The following MORC1 variants were observed in gnomAD, a reference collection of about 807,000 sequenced individuals.
The protein encoded by MORC1 is MORC family CW-type zinc finger protein 1.
MORC1 carries 59 observed loss-of-function variants against 134.9 expected under a neutral mutation model. That is an observed-to-expected ratio of 0.44 (90% CI 0.35 to 0.54). MORC1 has a LOEUF of 0.54. MORC1 is among the 20% of genes least tolerant of loss of function. MORC1 has a pLI of 0.00. For missense variants in MORC1, 947 were observed against 1,134.5 expected, an observed-to-expected ratio of 0.83 and a Z score of 2.37; for synonymous variants, 395 against 391.7, an observed-to-expected ratio of 1.01 and a Z score of -0.10.
At chr3:109,036,289 T>C (rs1222411935) in intron 14 of MORC1, among the ~76,000 whole-genome samples, 1 of 152,056 alleles carries the variant, frequency 6.6e-6, no homozygotes, top group East Asian at 1.9e-4. Context: ...AATATATATA[T>C]ATCAAAGAGT....
intron 1 of MORC1, among the ~76,000 whole-genome samples, chr3:109,117,039 T>C (rs1951289000): frequency 6.6e-6 from 1 of 151,414 alleles, no homozygotes. Context: ...TGAGCATTTT[T>C]CTTAAACTCA....
chr3:109,063,067 G>A (rs1950118669), intron 10 of MORC1, 85 bp downstream of exon 10: 1 of 997,258 alleles, frequency 1.0e-6, no homozygotes, highest in Admixed American at 1.8e-5. Flanking sequence ...AATGCCTAGA[G>A]CAATGTATGT....
intron 3 of MORC1, chr3:109,110,026 T>C (rs948168607): frequency 6.6e-6 from 1 of 152,228 alleles, no homozygotes; most frequent in African/African-American, 2.4e-5. Flanking sequence ...GTTTCCTCAG[T>C]TATCTCAAGA....
At position 109,099,116 on chromosome 3, in the gene MORC1, G is replaced by A. The variant is rs190126455; in HGVS notation, c.423+242C>T. Among the ~76,000 whole-genome samples, 5 of 152,248 alleles carry A rather than the reference G, an allele frequency of 3.3e-5. No individual in the cohort carries two copies. The East Asian group carries it at 9.7e-4, about 29-fold the overall frequency. ...TCTAAAAAGCTCATCATGTCTAAGG[G>A]AGCCTCTTACTTTGGGAGATTTGAG... is the stretch of plus-strand genomic sequence containing the variant. On this transcript the variant is annotated intron_variant, in intron 6 of 27. Coordinates refer to ENST00000232603, the MANE Select transcript of MORC1 (RefSeq NM_014429.4).
intron 17 of MORC1, among the ~76,000 whole-genome samples, chr3:109,023,111 T>C (rs1412415351): frequency 7.2e-5 from 11 of 152,194 alleles, no homozygotes; most frequent in Non-Finnish European, 1.5e-4. Flanking sequence ...GATACTTTTC[T>C]AAGTAGGTAA....
chr3:109,106,644 A>T (rs1482410351), intron 3 of MORC1, among the ~76,000 whole-genome samples: 3 of 152,168 alleles, frequency 2.0e-5, no homozygotes, highest in Admixed American at 1.3e-4. Context: ...ACCTCGGATC[A>T]TCATTATGTT....
At chr3:109,093,632 T>G (rs1378912434) in intron 7 of MORC1, 91 bp from the exon 8 acceptor site, 1 of 928,864 alleles carries the variant, frequency 1.1e-6, no homozygotes, top group Admixed American at 2.5e-5. Context: ...GAACTGAGTC[T>G]GCTATAAAAT....
chr3:109,035,568 TGTAA>T (rs1349813440), intron 14 of MORC1, 100 bp from the exon 15 acceptor site: 13 of 697,556 alleles, frequency 1.9e-5, no homozygotes, highest in African/African-American at 1.5e-4. Context: ...ATCTCAACTG[TGTAA>T]GTATTAATAC....
intron 10 of MORC1, among the ~76,000 whole-genome samples, chr3:109,062,826 G>C (rs778302222): frequency 1.3e-5 from 2 of 152,134 alleles, no homozygotes; most frequent in African/African-American, 2.4e-5. Flanking sequence ...TTGGCCTCAA[G>C]TAATTCTCCC....
At chr3:109,066,356 G>A (rs905585758) in intron 9 of MORC1, among the ~76,000 whole-genome samples, 1 of 148,294 alleles carries the variant, frequency 6.7e-6, no homozygotes, top group Non-Finnish European at 1.5e-5. Flanking sequence ...CATGATCTCA[G>A]TTCACTGCAA....
chr3:109,081,675 G>A (rs964500117), intron 8 of MORC1, among the ~76,000 whole-genome samples: 5 of 152,142 alleles, frequency 3.3e-5, no homozygotes, highest in Admixed American at 6.5e-5. Flanking sequence ...GGCTGGTCTC[G>A]AACTCCTGAC....
chr3:109,057,308 T>G, intron 13 of MORC1, 35 bp downstream of exon 13: 1 of 1,585,676 alleles, frequency 6.3e-7, no homozygotes, highest in Non-Finnish European at 8.6e-7. Context: ...CATCCCTTTC[T>G]CTGCTTATAT....
At chr3:109,011,693 G>C (rs1948689794) in intron 17 of MORC1, among the ~76,000 whole-genome samples, 1 of 151,970 alleles carries the variant, frequency 6.6e-6, no homozygotes, top group Non-Finnish European at 1.5e-5. Flanking sequence ...GGCTAATTTT[G>C]TATTTTTAGC....
intron 8 of MORC1, among the ~76,000 whole-genome samples, chr3:109,074,059 A>G (rs1365638469): frequency 6.6e-6 from 1 of 152,206 alleles, no homozygotes; most frequent in Non-Finnish European, 1.5e-5. Flanking sequence ...AAAAGTAGAG[A>G]CATGGAATGC....
chr3:108,973,596 T>TG (rs1491196135), intron 24 of MORC1, among the ~76,000 whole-genome samples: 1 of 13,540 alleles, frequency 7.4e-5, no homozygotes, highest in Admixed American at 5.6e-4. Context: ...TTTGTTTTGG[T>TG]TTTTTTTTTT....
At chr3:109,072,398 G>C (rs1305603864) in intron 8 of MORC1, among the ~76,000 whole-genome samples, 1 of 152,134 alleles carries the variant, frequency 6.6e-6, no homozygotes, top group East Asian at 1.9e-4. Context: ...CGAGAGAGAT[G>C]AAGTGCTCTC....
At chr3:108,994,793 T>C (rs946219226) in intron 21 of MORC1, among the ~76,000 whole-genome samples, 19 of 152,058 alleles carry the variant, frequency 1.2e-4, no homozygotes, top group African/African-American at 4.6e-4. Flanking sequence ...TGTTCCTCAG[T>C]TTTGCGGCTC....
chr3:108,976,312 T>C (rs867204438), intron 24 of MORC1, among the ~76,000 whole-genome samples: 17 of 152,168 alleles, frequency 1.1e-4, no homozygotes, highest in African/African-American at 2.9e-4. Context: ...ACTACTACTC[T>C]TTTTTATCAT....
At chr3:108,983,567 T>C (rs1362505450) in intron 23 of MORC1, among the ~76,000 whole-genome samples, 2 of 152,186 alleles carry the variant, frequency 1.3e-5, no homozygotes, top group Non-Finnish European at 2.9e-5. Context: ...CTCTATCCTT[T>C]AGGAACCTGT....
Sources: allele counts gnomAD v4.1 joint callset (sites outside exome capture counted in the v4.1 genomes callset), GRCh38; gene constraint gnomAD v4.1.1; transcripts MANE v1.5; gene names NCBI Gene and HGNC (gene_info 2026-07-23, HGNC 2026-07-21).